CHN2: variants seen among roughly 807,000 people sequenced by gnomAD.
CHN2 encodes beta-chimaerin.
CHN2 carries 35 observed loss-of-function variants against 56.3 expected under a neutral mutation model. The observed-to-expected ratio is 0.62, with a 90% CI of 0.47 to 0.82. The LOEUF (loss-of-function observed/expected upper bound fraction) is 0.82, where lower values mean the gene tolerates loss of function less well. Ranked by LOEUF, CHN2 falls within the 40% of genes least tolerant of loss-of-function variation. CHN2 has a pLI of 0.00. For missense variants in CHN2, 491 were observed against 580.5 expected, an observed-to-expected ratio of 0.85 and a Z score of 1.58; for synonymous variants, 210 against 212.8, an observed-to-expected ratio of 0.99 and a Z score of 0.12.
intron 6 of CHN2, among the ~76,000 whole-genome samples, chr7:29,457,690 G>A (rs1784867839): frequency 6.6e-6 from 1 of 152,216 alleles, no homozygotes; most frequent in Admixed American, 6.5e-5. Flanking sequence ...GTATCAGGAG[G>A]GAAACGCAAG....
At chr7:29,283,957 C>T in intron 1 of CHN2, among the ~76,000 whole-genome samples, 1 of 79,238 alleles carries the variant, frequency 1.3e-5, no homozygotes, top group South Asian at 3.7e-4. Context: ...TTTTTTGAGA[C>T]ACAGTCTCAC....
chr7:29,469,155 C>T (rs548591386), intron 6 of CHN2, among the ~76,000 whole-genome samples: 2 of 152,314 alleles, frequency 1.3e-5, no homozygotes, highest in South Asian at 4.1e-4. Context: ...ATGTGCACTT[C>T]ACATCCAACC....
chr7:29,261,398 C>A (rs1030820476), intron 1 of CHN2, among the ~76,000 whole-genome samples: 1 of 152,172 alleles, frequency 6.6e-6, no homozygotes, highest in African/African-American at 2.4e-5. Context: ...TTATCTTCAC[C>A]TCCCCTGCTA....
chr7:29,153,965 T>C (rs537724030), intron 2 of CHN2, among the ~76,000 whole-genome samples: 1 of 152,288 alleles, frequency 6.6e-6, no homozygotes, highest in East Asian at 1.9e-4. Flanking sequence ...AATATATTAA[T>C]TGTTATGTTA....
Position 29,271,446 on chromosome 7 carries a change from C to T in CHN2, c.49+76456C>T, listed in dbSNP as rs539446241. Reference sequence around the variant, plus strand: ...TTCAAAAACGTTCCCAGTCCCTTTCCGTTTCTCAGACGCCCTCTGGGCTGG... The same window carrying T: ...TTCAAAAACGTTCCCAGTCCCTTTCTGTTTCTCAGACGCCCTCTGGGCTGG... On this transcript the variant is annotated intron_variant, in intron 1 of 12. Transcript: ENST00000222792. Among the ~76,000 whole-genome samples the T allele has an allele frequency of 5.9e-5, 9 of 152,310 alleles. No individual in the cohort carries two copies. The South Asian group carries it at 1.7e-3, about 28-fold the overall frequency.
intron 1 of CHN2, among the ~76,000 whole-genome samples, chr7:29,241,937 A>C (rs1787712947): frequency 6.6e-6 from 1 of 152,184 alleles, no homozygotes; most frequent in African/African-American, 2.4e-5. Flanking sequence ...AGTTTGATGT[A>C]ATCTTCATTA....
intron 6 of CHN2, among the ~76,000 whole-genome samples, chr7:29,410,942 T>C (rs1028608976): frequency 7.9e-5 from 12 of 152,232 alleles, no homozygotes; most frequent in African/African-American, 2.9e-4. Context: ...TCTCCTCCCT[T>C]ACTCCCTAGC....
rs1486904736 is a variant in CHN2 at position 29,370,566 on chromosome 7, TC to T, written c.144+2582del. Among the ~76,000 whole-genome samples the T allele has an allele frequency of 5.3e-5, 8 of 152,222 alleles. No individual in the cohort carries two copies. The East Asian group carries it at 1.5e-3, about 29-fold the overall frequency. ...CAATCTATCTCTTCCCAGCTACTCT[TC>T]CCTGGTCCCTAGCGTGGTAGCTCCA... On this transcript the variant is annotated intron_variant, in intron 3 of 12. Transcript: ENST00000222792.
rs531384843 is a variant in CHN2 at position 29,310,117 on chromosome 7, A to G, written c.50-44508A>G. 2.7e-4 allele frequency among the ~76,000 whole-genome samples: 41 copies of G among 152,358 alleles called. No homozygotes were observed. The East Asian group carries it at 6.5e-3, about 24-fold the overall frequency. On this transcript the variant is annotated intron_variant, in intron 1 of 12. Transcript: ENST00000222792. The stretch of plus-strand genomic sequence containing the variant: ...TTAACTTACTTTCCCTTACTTCAAC[A>G]TGGTTACACGGATAAAATACATTAA...
At chr7:29,362,166 C>T (rs1363396408) in intron 2 of CHN2, among the ~76,000 whole-genome samples, 1 of 152,208 alleles carries the variant, frequency 6.6e-6, no homozygotes, top group Non-Finnish European at 1.5e-5. Flanking sequence ...AGCAGCTCCT[C>T]ATGGGACCTC....
chr7:29,272,965 AAAG>A (rs577563010), intron 1 of CHN2, among the ~76,000 whole-genome samples: 103 of 152,308 alleles, frequency 6.8e-4, no homozygotes, highest in African/African-American at 2.1e-3. Flanking sequence ...CTGGCTTAAA[AAAG>A]AAAATTTACT....
intron 6 of CHN2, chr7:29,445,138 A>G (rs148152041): frequency 3.8e-4 from 173 of 456,018 alleles, no homozygotes; most frequent in African/African-American, 3.0e-3. Context: ...GTTAGTGTCA[A>G]TTCTGGAGAA....
intron 3 of CHN2, among the ~76,000 whole-genome samples, chr7:29,386,308 C>T (rs1408555401): frequency 6.6e-6 from 1 of 152,146 alleles, no homozygotes; most frequent in East Asian, 1.9e-4. Context: ...GATGAAATTG[C>T]CCCAGTATCA....
At chr7:29,276,969 C>T (rs1791275007) in intron 1 of CHN2, among the ~76,000 whole-genome samples, 1 of 152,208 alleles carries the variant, frequency 6.6e-6, no homozygotes, top group Non-Finnish European at 1.5e-5. Context: ...TGCAAACAGC[C>T]ATGCCCCTGG....
chr7:29,269,744 A>G (rs77843191), intron 1 of CHN2, among the ~76,000 whole-genome samples: 2,589 of 152,330 alleles, frequency 0.017, 71 homozygotes, highest in African/African-American at 0.06. Flanking sequence ...AAGGATCATA[A>G]ATCAAAAGGA....
chr7:29,380,565 G>A (rs1305767763), intron 3 of CHN2, among the ~76,000 whole-genome samples: 1 of 152,122 alleles, frequency 6.6e-6, no homozygotes, highest in Non-Finnish European at 1.5e-5. Flanking sequence ...AGGAGAGAGA[G>A]AAAAAAGTAA....
At chr7:29,355,879 G>A (rs951079044) in intron 2 of CHN2, among the ~76,000 whole-genome samples, 1 of 147,988 alleles carries the variant, frequency 6.8e-6, no homozygotes, top group Admixed American at 6.9e-5. Flanking sequence ...CACCTCCCGG[G>A]CTCAAGTGAT....
chr7:29,241,710 G>A lies in CHN2; in HGVS notation c.49+46720G>A, dbSNP rs1163079836. Among the ~76,000 whole-genome samples the A allele has an allele frequency of 3.3e-5, 5 of 152,100 alleles. No homozygotes were observed. In the East Asian group the frequency reaches 7.7e-4, roughly 23 times the overall value. ...GGAGGGAGAGAGGGTAGGAGAGAGT[G>A]CCAGGTAGTAGGTCCTGAAGGAACT... On this transcript the variant is annotated intron_variant, in intron 1 of 12. Coordinates refer to ENST00000222792, the MANE Select transcript of CHN2 (RefSeq NM_004067.4).
At chr7:29,469,962 G>C (rs977486478) in intron 6 of CHN2, among the ~76,000 whole-genome samples, 2 of 152,162 alleles carry the variant, frequency 1.3e-5, no homozygotes, top group African/African-American at 4.8e-5. Flanking sequence ...AAGAGGGAGA[G>C]AAGGAAGGAA....
Sources: allele counts gnomAD v4.1 joint callset (sites outside exome capture counted in the v4.1 genomes callset), GRCh38; gene constraint gnomAD v4.1.1; transcripts MANE v1.5; gene names NCBI Gene and HGNC (gene_info 2026-07-23, HGNC 2026-07-21).